Variants in LARGE1 observed in about 807,000 individuals in gnomAD.
The protein encoded by LARGE1 is LARGE xylosyl- and glucuronyltransferase 1.
LARGE1 carries 43 observed loss-of-function variants against 87.6 expected under a neutral mutation model. The observed-to-expected ratio is 0.49, with a 90% CI of 0.38 to 0.63. LARGE1 has a LOEUF of 0.63. LARGE1 is among the 30% of genes least tolerant of loss of function. The probability of loss-of-function intolerance (pLI) is 0.00; values close to 1 mark genes in which losing one functional copy is unlikely to be tolerated. For synonymous variants in LARGE1, 434 were observed against 394.6 expected, an observed-to-expected ratio of 1.10 and a Z score of -1.18; for missense variants, 802 against 1,000.2, an observed-to-expected ratio of 0.80 and a Z score of 2.67.
chr22:33,412,084 G>A (rs763269430), intron 7 of LARGE1, among the ~76,000 whole-genome samples: 4 of 152,164 alleles, frequency 2.6e-5, no homozygotes, highest in Non-Finnish European at 5.9e-5. Context: ...AGGAGTTCGA[G>A]ACCAGCCTGG....
chr22:33,579,695 T>A (rs2078456897), intron 5 of LARGE1, among the ~76,000 whole-genome samples: 1 of 152,164 alleles, frequency 6.6e-6, no homozygotes, highest in African/African-American at 2.4e-5. Flanking sequence ...TGTTTGGGTT[T>A]GGAACACAAG....
chr22:33,194,857 C>T (rs1287960076), intron 11 of LARGE1, among the ~76,000 whole-genome samples: 1 of 152,118 alleles, frequency 6.6e-6, no homozygotes, highest in African/African-American at 2.4e-5. Flanking sequence ...CAGCATTACA[C>T]CTAGGTTGAT....
At chr22:33,208,516 C>T (rs1956603015) in intron 11 of LARGE1, among the ~76,000 whole-genome samples, 2 of 152,140 alleles carry the variant, frequency 1.3e-5, no homozygotes, top group African/African-American at 4.8e-5. Context: ...TATGAGCATC[C>T]TTCTAGAAGA....
chr22:33,507,521 GGAGA>G (rs1383977792), intron 6 of LARGE1, among the ~76,000 whole-genome samples: 1 of 152,098 alleles, frequency 6.6e-6, no homozygotes, highest in Non-Finnish European at 1.5e-5. Context: ...GAGACAGAAA[GGAGA>G]CTGGTGGCTA....
chr22:33,133,650 G>C, the LARGE1 span, among the ~76,000 whole-genome samples: 2 of 152,192 alleles, frequency 1.3e-5, no homozygotes, highest in Non-Finnish European at 2.9e-5. Flanking sequence ...ATGTGTGCAT[G>C]TGTCTTTATC....
At chr22:33,886,498 G>A (rs780505708) in intron 1 of LARGE1, among the ~76,000 whole-genome samples, 14 of 151,956 alleles carry the variant, frequency 9.2e-5, no homozygotes, top group African/African-American at 2.9e-4. Context: ...CCATCATGAC[G>A]AAACCCTGTC....
the LARGE1 span, among the ~76,000 whole-genome samples, chr22:33,113,776 T>A: frequency 2.0e-5 from 3 of 152,202 alleles, no homozygotes; most frequent in Non-Finnish European, 4.4e-5. Flanking sequence ...AACCACACTC[T>A]CGTTCAAAAT....
At chr22:33,352,801 A>T (rs764824597) in intron 9 of LARGE1, among the ~76,000 whole-genome samples, 3 of 152,210 alleles carry the variant, frequency 2.0e-5, no homozygotes, top group Non-Finnish European at 4.4e-5. Flanking sequence ...GTGAGGGGAA[A>T]TTGAAACCGA....
At chr22:33,626,918 T>C (rs1251035577) in intron 3 of LARGE1, among the ~76,000 whole-genome samples, 2 of 152,344 alleles carry the variant, frequency 1.3e-5, no homozygotes, top group African/African-American at 4.8e-5. Flanking sequence ...CATGAATCCC[T>C]GAACTCAGGG....
At chr22:33,650,310 G>C (rs764092019) in intron 3 of LARGE1, 57 bp downstream of exon 3, 2 of 1,601,534 alleles carry the variant, frequency 1.2e-6, no homozygotes, top group African/African-American at 1.3e-5. Context: ...ATTTGCAAGG[G>C]GTGAGGGCAA....
At chr22:33,831,823 T>C (rs1209107687) in intron 1 of LARGE1, among the ~76,000 whole-genome samples, 1 of 150,276 alleles carries the variant, frequency 6.7e-6, no homozygotes, top group Non-Finnish European at 1.5e-5. Context: ...GAGGATAACG[T>C]TCAAGCTGCT....
chr22:33,497,071 CTTTTTTTTTT>C (rs5845088), intron 6 of LARGE1, among the ~76,000 whole-genome samples: 3 of 133,960 alleles, frequency 2.2e-5, no homozygotes, highest in African/African-American at 8.4e-5. Context: ...CTTTTCTTTT[CTTTTTTTTTT>C]TTTTTTCTTG....
At chr22:33,500,241 A>G (rs528429391) in intron 6 of LARGE1, among the ~76,000 whole-genome samples, 1 of 152,332 alleles carries the variant, frequency 6.6e-6, no homozygotes, top group African/African-American at 2.4e-5. Flanking sequence ...TGAATCCCCC[A>G]TGATTAGCAC....
At chr22:33,596,287 T>C (rs1211804063) in intron 5 of LARGE1, among the ~76,000 whole-genome samples, 3 of 152,220 alleles carry the variant, frequency 2.0e-5, no homozygotes, top group South Asian at 4.1e-4. Flanking sequence ...TGTCCAACAT[T>C]TCACAGTCAA....
chr22:33,113,161 G>A, the LARGE1 span, among the ~76,000 whole-genome samples: 2 of 151,530 alleles, frequency 1.3e-5, no homozygotes, highest in African/African-American at 2.4e-5. Flanking sequence ...TATATGGCAG[G>A]AAGTAAGTCT....
rs938962491 is a variant in LARGE1, at chr22:33,238,969, A to G, written c.1730+65260T>C. Among the ~76,000 whole-genome samples, 9 of 152,138 alleles carry G rather than the reference A, an allele frequency of 5.9e-5. No homozygotes were observed. In the South Asian group the frequency reaches 6.2e-4, roughly 10 times the overall value. ...AAGGAATAGAATGGAAGCAATAATA[A>G]AAGTAAGAGTCAAAATTAATAAAAT... On this transcript the variant is annotated intron_variant, in intron 11 of 11. Transcript: ENST00000608642.
intron 6 of LARGE1, among the ~76,000 whole-genome samples, chr22:33,511,983 G>A (rs2071079393): frequency 6.6e-6 from 1 of 152,144 alleles, no homozygotes; most frequent in South Asian, 2.1e-4. Flanking sequence ...CTTGTAGGTT[G>A]ACCATACAGT....
intron 11 of LARGE1, among the ~76,000 whole-genome samples, chr22:33,305,995 C>G (rs571081668): frequency 6.6e-6 from 1 of 152,164 alleles, no homozygotes; most frequent in East Asian, 1.9e-4. Flanking sequence ...CCCGCTACCA[C>G]GCCCGGCTAA....
At chr22:33,213,169 C>T (rs971008538) in intron 11 of LARGE1, among the ~76,000 whole-genome samples, 14 of 152,108 alleles carry the variant, frequency 9.2e-5, no homozygotes, top group African/African-American at 3.1e-4. Context: ...TGTGGAAATA[C>T]CAAGAGAACT....
Sources: gnomAD v4.1 joint callset for allele counts (sites outside exome capture counted in the v4.1 genomes callset) on GRCh38, gnomAD v4.1.1 for gene constraint, MANE v1.5 for transcripts, NCBI Gene and HGNC (gene_info 2026-07-23, HGNC 2026-07-21) for gene names.